The following ZNF778 variants were observed in gnomAD, a reference collection of about 807,000 sequenced individuals.
ZNF778 encodes the protein zinc finger protein 778.
In ZNF778, 37 loss-of-function variants were observed where a neutral mutation model predicts 23.9. That is an observed-to-expected ratio of 1.54 (90% CI 1.19 to 2.03). ZNF778 has a LOEUF of 2.03. Among genes scored for constraint, ZNF778 ranks in the 30% most tolerant of loss-of-function variants. ZNF778 has a pLI of 0.00. For missense variants in ZNF778, 1,297 were observed against 934.4 expected (o/e 1.39, Z -5.06); for synonymous variants, 483 against 343.9 (o/e 1.40, Z -4.48).
In ZNF778 at chr16:89,223,222, A is replaced by T. The variant is rs899115808; in HGVS notation, c.183A>T (p.Pro61=). Residue 61 remains proline (P), a synonymous_variant, in exon 4 of 7, where the codon CCA becomes CCT. Transcript: ENST00000433976. Reference sequence around the variant, plus strand: ...AGGAGGAATGGACTTTACTGGACCCATCTCAGAGAGACCTCTACAGAGATG... The same window carrying T: ...AGGAGGAATGGACTTTACTGGACCCTTCTCAGAGAGACCTCTACAGAGATG... ...FTQEEWTLLD[P]SQRDLYRDVM... 7 of 1,613,992 alleles carry T rather than the reference A, an allele frequency of 4.3e-6. No homozygotes were observed. The African/African-American group carries it at 8.0e-5, about 18-fold the overall frequency.
In ZNF778 at chr16:89,229,723, TCC is replaced by T. The variant is rs1309754240; in HGVS notation, c.*1162_*1163del. The T allele has an allele frequency of 7.1e-6, 7 of 979,298 alleles. No individual in the cohort carries two copies. In the African/African-American group the frequency reaches 1.1e-4, roughly 15 times the overall value. The allele number at this position is 979,298 out of a possible 1,614,324, so 60.7% of individuals were successfully genotyped here. On this transcript the variant is annotated 3_prime_UTR_variant, in exon 7 of 7. Transcript: ENST00000433976. Reference sequence around the variant, plus strand: ...GTTAGTCTTGAGGATCCAGATGTGATCCTGTGTGAGCAGCGTAGGCTCTGGTT... The same window carrying T: ...GTTAGTCTTGAGGATCCAGATGTGATTGTGTGAGCAGCGTAGGCTCTGGTT...
At chr16:89,223,926 TCC>T (rs1296231188) in intron 4 of ZNF778, among the ~76,000 whole-genome samples, 9 of 151,986 alleles carry the variant, frequency 5.9e-5, no homozygotes, top group Non-Finnish European at 7.4e-5. Flanking sequence ...ATGCCTGTAA[TCC>T]GAGCACTCTG....
At position 89,227,043 on chromosome 16, in the gene ZNF778, C is replaced by T. The variant is rs1225545649; in HGVS notation, c.755C>T (p.Thr252Ile). The T allele has an allele frequency of 1.2e-6, 2 of 1,613,816 alleles. No individual in the cohort carries two copies. Among genetic ancestry groups the T allele is most frequent in the African/African-American group, 1.3e-5 (1 of 74,892 alleles). ...GCGGGAAGTCACAACGGAGAAGAAA[C>T]ATGGAAATGGAAGCCGTGTGGGAAA... ...ARAGSHNGEE[T>I]WKWKPCGKAL... The change falls in exon 7 of 7, where the codon ACA (threonine) becomes ATA (isoleucine). Residue 252 changes from threonine to isoleucine, a missense_variant. Coordinates refer to ENST00000433976, the MANE Select transcript of ZNF778 (RefSeq NM_001201407.2).
Position 89,228,910 on chromosome 16 carries a change from T to G in ZNF778, c.*348T>G. 4.9e-6 allele frequency: 5 copies of G among 1,019,664 alleles called. No homozygotes were observed. Among genetic ancestry groups the G allele is most frequent in the Non-Finnish European group, 5.9e-6 (5 of 852,256 alleles). 63.2% of individuals were successfully genotyped at this position (1,019,664 alleles called of 1,614,324 possible). A position where few individuals can be genotyped will look rare whatever the true frequency, so the allele number is the denominator to read the frequency against. On this transcript the variant is annotated 3_prime_UTR_variant, in exon 7 of 7. Coordinates refer to ENST00000433976, the MANE Select transcript of ZNF778 (RefSeq NM_001201407.2). ...GGTGAGAATTGTTGGGAAGTCATTTTTTACATTACATCTTTCCTCACCCTT... is the reference window on the plus strand; with the variant it reads ...GGTGAGAATTGTTGGGAAGTCATTTGTTACATTACATCTTTCCTCACCCTT...
chr16:89,221,587 G>C (rs1272245535), intron 2 of ZNF778, among the ~76,000 whole-genome samples: 2 of 25,384 alleles, frequency 7.9e-5, no homozygotes, highest in South Asian at 7.8e-4. Context: ...GTATGGCTGT[G>C]TGTGTGTGTG....
intron 6 of ZNF778, among the ~76,000 whole-genome samples, 161 bp downstream of exon 6, chr16:89,225,792 C>G (rs1175203638): frequency 6.6e-6 from 1 of 152,152 alleles, no homozygotes; most frequent in Non-Finnish European, 1.5e-5. Context: ...TTTGGGAGGA[C>G]CTCATCCTGT....
At chr16:89,221,223 C>T (rs1055217624) in intron 2 of ZNF778, 71 bp downstream of exon 2, 2 of 1,515,102 alleles carry the variant, frequency 1.3e-6, no homozygotes, top group South Asian at 1.2e-5. Context: ...GTATCAGGCC[C>T]ATGGACGGGG....
At position 89,235,672 on chromosome 16, in the gene ZNF778, C is replaced by T. The variant is rs553840057; in HGVS notation, c.*7110C>T. ...CTTAAATTATTCAGCATATGTGCAACAGCCTTGGGGAGCAGTGTTATGATA... is the reference window on the plus strand; with the variant it reads ...CTTAAATTATTCAGCATATGTGCAATAGCCTTGGGGAGCAGTGTTATGATA... On this transcript the variant is annotated 3_prime_UTR_variant, in exon 7 of 7. Transcript: ENST00000433976. 25 of 152,332 alleles carry T rather than the reference C, an allele frequency of 1.6e-4. No individual in the cohort carries two copies. Among genetic ancestry groups the T allele is most frequent in the African/African-American group, 5.8e-4 (24 of 41,560 alleles). The allele number at this position is 152,332 out of a possible 1,614,324, so 9.4% of individuals were successfully genotyped here. A position where few individuals can be genotyped will look rare whatever the true frequency, so the allele number is the denominator to read the frequency against.
In ZNF778 at chr16:89,227,779, A is replaced by C. The variant is rs746091208; in HGVS notation, c.1491A>C (p.Arg497Ser). ...TVSSSLTEHA[R>S]IHTGEKPYEC... ...CTTCAAGCCTGACTGAGCACGCGAG[A>C]ATCCATACCGGAGAGAAACCCTACG... The change falls in exon 7 of 7, where the codon AGA becomes AGC. Residue 497 changes from arginine (R) to serine (S), a missense_variant. Arg to Ser is a moderately radical substitution (Grantham distance 110). Transcript: ENST00000433976. The C allele has an allele frequency of 5.6e-6, 9 of 1,613,094 alleles. No individual in the cohort carries two copies. The highest frequency in any genetic ancestry group is 1.7e-5 in the Admixed American group (1 of 60,002).
chr16:89,235,102 G>A lies in ZNF778; in HGVS notation c.*6540G>A. 1 of 151,988 alleles carries A rather than the reference G, an allele frequency of 6.6e-6. No homozygotes were observed. Among genetic ancestry groups the A allele is most frequent in the East Asian group, 1.9e-4 (1 of 5,192 alleles). 9.4% of individuals were successfully genotyped at this position (151,988 alleles called of 1,614,324 possible). On this transcript the variant is annotated 3_prime_UTR_variant, in exon 7 of 7. Coordinates refer to ENST00000433976, the MANE Select transcript of ZNF778 (RefSeq NM_001201407.2). ...GAGTTGATTTTTGTTGACCGTATCTGTAGAGTGTAATGTCATTTTTCCCAC... is the reference window on the plus strand; with the variant it reads ...GAGTTGATTTTTGTTGACCGTATCTATAGAGTGTAATGTCATTTTTCCCAC...
intron 3 of ZNF778, among the ~76,000 whole-genome samples, chr16:89,222,499 G>T (rs2031055016): frequency 6.6e-6 from 1 of 152,216 alleles, no homozygotes; most frequent in Non-Finnish European, 1.5e-5. Context: ...AAGTAGCTGG[G>T]ATTACAAGTG....
chr16:89,220,865 G>A (rs2030864733), intron 1 of ZNF778, 132 bp from the exon 2 acceptor site: 1 of 472,612 alleles, frequency 2.1e-6, no homozygotes, highest in South Asian at 2.2e-5. Flanking sequence ...TCTTCAGTAG[G>A]TGACGTGGAT....
rs1009842953 is a variant in ZNF778 at position 89,229,303 on chromosome 16, C to T, written c.*741C>T. 24 of 983,730 alleles carry T rather than the reference C, an allele frequency of 2.4e-5. No individual in the cohort carries two copies. The highest frequency in any genetic ancestry group is 2.8e-5 in the Non-Finnish European group (23 of 829,816). The allele number at this position is 983,730 out of a possible 1,614,324, so 60.9% of individuals were successfully genotyped here. On this transcript the variant is annotated 3_prime_UTR_variant, in exon 7 of 7. Transcript: ENST00000433976. ...TAGTCTTGAGGATCCAGATGTGATT[C>T]TGTGAGCAGTGTAAGCTCTGGTTGG...
Position 89,236,962 on chromosome 16 carries a change from T to G in ZNF778, c.*8400T>G, listed in dbSNP as rs1019399498. 1 of 151,958 alleles carries G rather than the reference T, an allele frequency of 6.6e-6. No homozygotes were observed. The highest frequency in any genetic ancestry group is 2.4e-5 in the African/African-American group (1 of 41,342). 9.4% of individuals were successfully genotyped at this position (151,958 alleles called of 1,614,324 possible). On this transcript the variant is annotated 3_prime_UTR_variant, in exon 7 of 7. Coordinates refer to ENST00000433976, the MANE Select transcript of ZNF778 (RefSeq NM_001201407.2). ...GTTGGGGGCACCTGTAATCTCAGCT[T>G]CTCAGGAGGCTGAGGCAGGAGAATC...
In ZNF778 at chr16:89,223,201, G is replaced by C. The variant is rs765160627; in HGVS notation, c.162G>C (p.Glu54Asp). The C allele has an allele frequency of 2.5e-6, 4 of 1,613,990 alleles. No homozygotes were observed. The highest frequency in any genetic ancestry group is 1.7e-5 in the Admixed American group (1 of 59,972). The change falls in exon 4 of 7, where the codon GAG (glutamate) becomes GAC (aspartate). Residue 54 changes from glutamate (E) to aspartate (D), a missense_variant. By Grantham distance (45) the Glu-to-Asp change is conservative. Transcript: ENST00000433976. The stretch of plus-strand genomic sequence containing the variant: ...ACGTGGCTGTGGACTTCACCCAGGA[G>C]GAATGGACTTTACTGGACCCATCTC... ...FDDVAVDFTQ[E>D]EWTLLDPSQR...
rs558097069 is a variant in ZNF778 at position 89,217,737 on chromosome 16, C to A, written c.-305C>A. ...AGCTGATCCGGTTCTTGCGGCGGTGCGTGCTGGCGCCGGAGAGTTCCGCGC... is the reference window on the plus strand; with the variant it reads ...AGCTGATCCGGTTCTTGCGGCGGTGAGTGCTGGCGCCGGAGAGTTCCGCGC... On this transcript the variant is annotated 5_prime_UTR_variant, in exon 1 of 7. Transcript: ENST00000433976. The A allele has an allele frequency of 1.3e-5, 2 of 152,232 alleles. No homozygotes were observed. The highest frequency in any genetic ancestry group is 1.5e-5 in the Non-Finnish European group (1 of 68,028). The allele number at this position is 152,232 out of a possible 1,614,324, so 9.4% of individuals were successfully genotyped here.
rs1230783090 is a variant in ZNF778, at chr16:89,232,866, T to C, written c.*4304T>C. On this transcript the variant is annotated 3_prime_UTR_variant, in exon 7 of 7. Coordinates refer to ENST00000433976, the MANE Select transcript of ZNF778 (RefSeq NM_001201407.2). ...ACTCACACCGTGTATGCAAATCAAC[T>C]CGCACTGCGTATGCAACTCAACTCG... 8.2e-7 allele frequency: 1 copy of C among 1,219,918 alleles called. No homozygotes were observed. Among genetic ancestry groups the C allele is most frequent in the African/African-American group, 2.4e-5 (1 of 41,874 alleles). 75.6% of individuals were successfully genotyped at this position (1,219,918 alleles called of 1,614,324 possible).
chr16:89,219,327 G>T (rs1280687158), intron 1 of ZNF778, among the ~76,000 whole-genome samples: 1 of 152,150 alleles, frequency 6.6e-6, no homozygotes, highest in Non-Finnish European at 1.5e-5. Flanking sequence ...CTCGTGATAC[G>T]TTTAAATATT....
chr16:89,235,613 T>A lies in ZNF778; in HGVS notation c.*7051T>A, dbSNP rs2032213116. On this transcript the variant is annotated 3_prime_UTR_variant, in exon 7 of 7. Coordinates refer to ENST00000433976, the MANE Select transcript of ZNF778 (RefSeq NM_001201407.2). ...CCGTGGGACTGACAGACCCAGAGTG[T>A]CATAACCTAAAATTCAGAAGTGTAG... The A allele has an allele frequency of 6.6e-6, 1 of 152,176 alleles. No individual in the cohort carries two copies. The highest frequency in any genetic ancestry group is 1.5e-5 in the Non-Finnish European group (1 of 68,048). 9.4% of individuals were successfully genotyped at this position (152,176 alleles called of 1,614,324 possible). A position where few individuals can be genotyped will look rare whatever the true frequency, so the allele number is the denominator to read the frequency against.
Sources: gnomAD v4.1 joint callset for allele counts (sites outside exome capture counted in the v4.1 genomes callset) on GRCh38, gnomAD v4.1.1 for gene constraint, MANE v1.5 for transcripts, NCBI Gene and HGNC (gene_info 2026-07-23, HGNC 2026-07-21) for gene names.